Variants in SHB observed in about 807,000 individuals in gnomAD.
SHB encodes the protein SH2 domain containing adaptor protein B, also known as SH2 domain-containing adapter protein B.
In SHB, 20 loss-of-function variants were observed where a neutral mutation model predicts 52.3. The ratio of observed to expected loss-of-function variants is 0.38; its 90% confidence interval spans 0.27 to 0.56. The LOEUF (loss-of-function observed/expected upper bound fraction) is 0.56, where lower values mean the gene tolerates loss of function less well. Ranked by LOEUF, SHB falls within the 20% of genes least tolerant of loss-of-function variation. SHB has a pLI of 0.71. For missense variants in SHB, 825 were observed against 723.3 expected, an observed-to-expected ratio of 1.14 and a Z score of -1.61; for synonymous variants, 397 against 316.5, an observed-to-expected ratio of 1.25 and a Z score of -2.70.
chr9:38,006,562 G>C (rs1407815315), intron 2 of SHB, among the ~76,000 whole-genome samples: 1 of 152,218 alleles, frequency 6.6e-6, no homozygotes, highest in Non-Finnish European at 1.5e-5. Flanking sequence ...CAGGCCTGGG[G>C]AGGTGAACTC....
intron 1 of SHB, among the ~76,000 whole-genome samples, chr9:38,042,061 C>T (rs115853594): frequency 2.0e-5 from 3 of 150,402 alleles, no homozygotes; most frequent in South Asian, 2.1e-4. Flanking sequence ...GGAAACGTGC[C>T]GACGTCTGGC....
intron 2 of SHB, among the ~76,000 whole-genome samples, chr9:38,004,135 G>C (rs1258730542): frequency 6.6e-6 from 1 of 152,204 alleles, no homozygotes; most frequent in African/African-American, 2.4e-5. Context: ...CTCTGCTCCA[G>C]GTTTCTTACT....
At chr9:38,032,429 G>A (rs1214785329) in intron 1 of SHB, among the ~76,000 whole-genome samples, 3 of 152,214 alleles carry the variant, frequency 2.0e-5, no homozygotes, top group African/African-American at 7.2e-5. Flanking sequence ...CTGGGCAACA[G>A]GAAGAGATCT....
At chr9:38,052,527 G>T (rs1404837841) in intron 1 of SHB, among the ~76,000 whole-genome samples, 1 of 152,198 alleles carries the variant, frequency 6.6e-6, no homozygotes, top group Non-Finnish European at 1.5e-5. Context: ...ATTGCCCAGT[G>T]TCATCTGAGA....
intron 1 of SHB, among the ~76,000 whole-genome samples, chr9:38,026,421 C>T (rs116999269): frequency 2.6e-5 from 4 of 152,240 alleles, no homozygotes; most frequent in African/African-American, 7.2e-5. Context: ...CATTTCTCCC[C>T]GAACGGGACC....
At chr9:38,023,338 A>G (rs903991557) in intron 1 of SHB, among the ~76,000 whole-genome samples, 1 of 152,204 alleles carries the variant, frequency 6.6e-6, no homozygotes, top group African/African-American at 2.4e-5. Flanking sequence ...TTGCCTTCTC[A>G]GCTTCACATA....
chr9:37,969,177 A>T (rs1229461475), intron 3 of SHB, among the ~76,000 whole-genome samples: 1 of 152,168 alleles, frequency 6.6e-6, no homozygotes, highest in African/African-American at 2.4e-5. Flanking sequence ...GGGGGATGAG[A>T]GCTCCAATCA....
chr9:37,994,059 AACCATAGGC>A (rs1820917636), intron 2 of SHB, among the ~76,000 whole-genome samples: 1 of 152,230 alleles, frequency 6.6e-6, no homozygotes, highest in Admixed American at 6.5e-5. Context: ...AAAATAATGG[AACCATAGGC>A]GGCTGATTGA....
At chr9:38,056,414 C>T (rs920977040) in intron 1 of SHB, among the ~76,000 whole-genome samples, 6 of 152,194 alleles carry the variant, frequency 3.9e-5, no homozygotes, top group African/African-American at 1.4e-4. Flanking sequence ...TCACTGCAAC[C>T]TCTGTCTCCT....
At chr9:38,027,719 G>T (rs544538151) in intron 1 of SHB, among the ~76,000 whole-genome samples, 4 of 151,852 alleles carry the variant, frequency 2.6e-5, no homozygotes, top group African/African-American at 9.7e-5. Context: ...GGAGCTGGGG[G>T]TCAGGCACCA....
chr9:38,043,184 C>G (rs1036507737), intron 1 of SHB, among the ~76,000 whole-genome samples: 1 of 152,200 alleles, frequency 6.6e-6, no homozygotes, highest in African/African-American at 2.4e-5. Context: ...CACTGCAACA[C>G]CCTGTCTTGC....
In SHB at chr9:37,955,891, C is replaced by T; in HGVS notation, c.1218G>A (p.Glu406=). Residue 406 remains glutamate (E), a synonymous_variant, in exon 4 of 6, where the codon GAG becomes GAA. Coordinates refer to ENST00000377707, the MANE Select transcript of SHB (RefSeq NM_003028.3). ...TGCTCCCAAGAACTTACATTTGCTT[C>T]TCCAGGGGGACGGCAGGATCCACCC... is the stretch of plus-strand genomic sequence containing the variant. ...GERVDPAVPL[E]KQIWYHGAIS... is the part of the protein sequence containing the mutation. 6.2e-7 allele frequency: 1 copy of T among 1,613,626 alleles called. No homozygotes were observed. Among genetic ancestry groups the T allele is most frequent in the East Asian group, 2.2e-5 (1 of 44,844 alleles).
In SHB at chr9:38,068,178, GGAGGACGAGGAC is replaced by G; in HGVS notation, c.456_467del (p.Ser153_Ser156del). 2 of 1,425,920 alleles carry G rather than the reference GGAGGACGAGGAC, an allele frequency of 1.4e-6. No individual in the cohort carries two copies. The highest frequency in any genetic ancestry group is 5.8e-5 in the East Asian group (2 of 34,278). 88.3% of individuals were successfully genotyped at this position (1,425,920 alleles called of 1,614,324 possible). A position where few individuals can be genotyped will look rare whatever the true frequency, so the allele number is the denominator to read the frequency against. On this transcript the variant is annotated inframe_deletion, in exon 1 of 6. Transcript: ENST00000377707. ...TGCTGCGGTAGAGATGCGGAGAGCC[GGAGGACGAGGAC>G]GAGGACGCGGCGGCCCCCGCGCCCG... is the stretch of plus-strand genomic sequence containing the variant.
rs993339331 is a variant in SHB at position 37,961,247 on chromosome 9, G to A, written c.1055-5193C>T. 4.6e-5 allele frequency among the ~76,000 whole-genome samples: 7 copies of A among 152,268 alleles called. No homozygotes were observed. The South Asian group carries it at 8.3e-4, about 18-fold the overall frequency. On this transcript the variant is annotated intron_variant, in intron 3 of 5. Coordinates refer to ENST00000377707, the MANE Select transcript of SHB (RefSeq NM_003028.3). ...TCAGCCTGGGTGCTGTGGGTGCTGC[G>A]CCTGGGATTTATTTTTCTTTGCCCT...
chr9:38,053,879 C>T (rs981744144), intron 1 of SHB, among the ~76,000 whole-genome samples: 7 of 152,208 alleles, frequency 4.6e-5, no homozygotes, highest in South Asian at 2.1e-4. Context: ...ATCCTCACAA[C>T]GACCCAATGT....
At chr9:37,926,699 A>G (rs1832254882) in intron 5 of SHB, among the ~76,000 whole-genome samples, 1 of 152,236 alleles carries the variant, frequency 6.6e-6, no homozygotes, top group African/African-American at 2.4e-5. Context: ...GAATTAGGCC[A>G]CTGTTTCAGT....
chr9:38,064,778 A>G (rs915692412), intron 1 of SHB, among the ~76,000 whole-genome samples: 1 of 152,322 alleles, frequency 6.6e-6, no homozygotes, highest in East Asian at 1.9e-4. Flanking sequence ...TGCTGGAAAA[A>G]GTGGGCTATG....
At chr9:37,972,374 C>T (rs901485568) in intron 3 of SHB, among the ~76,000 whole-genome samples, 17 of 152,146 alleles carry the variant, frequency 1.1e-4, no homozygotes, top group Non-Finnish European at 2.5e-4. Context: ...GTAAAATGCA[C>T]AGGGGAGACC....
intron 2 of SHB, among the ~76,000 whole-genome samples, chr9:37,975,574 A>G (rs951622216): frequency 2.0e-5 from 3 of 152,164 alleles, no homozygotes; most frequent in Non-Finnish European, 4.4e-5. Context: ...CCCAGACAGG[A>G]GGTGTTCATT....
Sources: allele counts gnomAD v4.1 joint callset (sites outside exome capture counted in the v4.1 genomes callset), GRCh38; gene constraint gnomAD v4.1.1; transcripts MANE v1.5; gene names NCBI Gene and HGNC (gene_info 2026-07-23, HGNC 2026-07-21).